The following RBMS3 variants were observed in gnomAD, a reference collection of about 807,000 sequenced individuals.
The protein encoded by RBMS3 is RNA binding motif single stranded interacting protein 3.
RBMS3 carries 27 observed loss-of-function variants against 66.8 expected under a neutral mutation model. The ratio of observed to expected loss-of-function variants is 0.40; its 90% CI spans 0.30 to 0.56. The LOEUF (loss-of-function observed/expected upper bound fraction) is 0.56, where lower values mean the gene tolerates loss of function less well. Among genes scored for constraint, RBMS3 ranks in the 20% least tolerant of loss-of-function variants. The pLI is 0.40. For synonymous variants in RBMS3, 188 were observed against 183.0 expected, an observed-to-expected ratio of 1.03 and a Z score of -0.22; for missense variants, 513 against 549.5, an observed-to-expected ratio of 0.93 and a Z score of 0.66.
intron 1 of RBMS3, among the ~76,000 whole-genome samples, chr3:29,364,439 C>G (rs573012510): frequency 2.6e-5 from 4 of 152,078 alleles, no homozygotes; most frequent in East Asian, 1.9e-4. Flanking sequence ...TATGTCTTAT[C>G]TAGGTATTCT....
At chr3:29,533,330 A>T (rs1249622235) in intron 3 of RBMS3, among the ~76,000 whole-genome samples, 1 of 152,094 alleles carries the variant, frequency 6.6e-6, no homozygotes, top group African/African-American at 2.4e-5. Flanking sequence ...AATAAAAAAA[A>T]AATTAGTGAA....
chr3:29,809,596 T>G (rs1360600717), intron 6 of RBMS3, among the ~76,000 whole-genome samples: 3 of 151,976 alleles, frequency 2.0e-5, no homozygotes, highest in East Asian at 1.9e-4. Context: ...TAAATGTTTG[T>G]TTTTTGTTTG....
intron 1 of RBMS3, among the ~76,000 whole-genome samples, chr3:29,401,205 A>G (rs1460950132): frequency 1.3e-5 from 2 of 152,058 alleles, no homozygotes; most frequent in Admixed American, 1.3e-4. Flanking sequence ...CCTATTAAAA[A>G]GAAAGAGTTT....
chr3:29,989,829 T>C (rs577253385), intron 13 of RBMS3, among the ~76,000 whole-genome samples: 2 of 152,328 alleles, frequency 1.3e-5, no homozygotes, highest in South Asian at 2.1e-4. Context: ...AAAGCACCTA[T>C]GCGATAAGAA....
At chr3:29,994,053 C>T (rs189733408) in intron 14 of RBMS3, among the ~76,000 whole-genome samples, 6 of 151,178 alleles carry the variant, frequency 4.0e-5, no homozygotes, top group East Asian at 2.0e-4. Context: ...CCAGACTGGG[C>T]GCAGGTCAGT....
rs771997586 is a variant in RBMS3 at position 29,739,774 on chromosome 3, G to A, written c.454G>A (p.Asp152Asn). The change falls in exon 5 of 15, where the codon GAT (aspartate) becomes AAT (asparagine). Residue 152 changes from aspartate (D) to asparagine (N), a missense_variant. Transcript: ENST00000383767. ...LYISNLPISM[D>N]EQELENMLKP... is the part of the protein sequence containing the mutation. Reference sequence around the variant, plus strand: ...CATCTCAAATCTCCCCATTTCTATGGATGAGCAGGAGCTTGAGAATATGCT... The same window carrying A: ...CATCTCAAATCTCCCCATTTCTATGAATGAGCAGGAGCTTGAGAATATGCT... 3 of 1,612,966 alleles carry A rather than the reference G, an allele frequency of 1.9e-6. No homozygotes were observed. Among genetic ancestry groups the A allele is most frequent in the Non-Finnish European group, 2.5e-6 (3 of 1,179,394 alleles).
chr3:29,457,041 C>T (rs7647910), intron 2 of RBMS3, among the ~76,000 whole-genome samples: 2 of 151,994 alleles, frequency 1.3e-5, no homozygotes, highest in Non-Finnish European at 2.9e-5. Flanking sequence ...GACAGCACAG[C>T]CATGCTCAGA....
At position 29,281,080 on chromosome 3, in the gene RBMS3, T is replaced by G. The variant is rs1273919727; in HGVS notation, c.-602T>G. 3.5e-5 allele frequency: 5 copies of G among 144,138 alleles called. No homozygotes were observed. The Admixed American group carries it at 3.5e-4, about 10-fold the overall frequency. The allele number at this position is 144,138 out of a possible 1,614,324, so 8.9% of individuals were successfully genotyped here. A position where few individuals can be genotyped will look rare whatever the true frequency, so the allele number is the denominator to read the frequency against. On this transcript the variant is annotated 5_prime_UTR_variant, in exon 1 of 15. Coordinates refer to ENST00000383767, the MANE Select transcript of RBMS3 (RefSeq NM_001003793.3). ...ACAAGCCCCGAACACCATGTCACTCTGGGAGGGAGACAGCAGCAACTAAGC... is the reference window on the plus strand; with the variant it reads ...ACAAGCCCCGAACACCATGTCACTCGGGGAGGGAGACAGCAGCAACTAAGC...
At chr3:29,887,295 G>A (rs543021808) in intron 8 of RBMS3, among the ~76,000 whole-genome samples, 1 of 151,944 alleles carries the variant, frequency 6.6e-6, no homozygotes. Context: ...TAGGCTTTGT[G>A]TCCCCACCCA....
intron 6 of RBMS3, among the ~76,000 whole-genome samples, chr3:29,827,590 C>T (rs2058243411): frequency 6.6e-6 from 1 of 152,108 alleles, no homozygotes; most frequent in African/African-American, 2.4e-5. Flanking sequence ...AGGGCTGAAA[C>T]TCTGAATTCT....
chr3:29,995,522 G>T (rs868167397), intron 14 of RBMS3, among the ~76,000 whole-genome samples: 2 of 151,128 alleles, frequency 1.3e-5, no homozygotes, highest in Non-Finnish European at 3.0e-5. Flanking sequence ...GAGAAAGGTC[G>T]GGTTACCCTC....
At chr3:29,879,515 T>C (rs2059688096) in intron 7 of RBMS3, among the ~76,000 whole-genome samples, 1 of 152,198 alleles carries the variant, frequency 6.6e-6, no homozygotes, top group Non-Finnish European at 1.5e-5. Flanking sequence ...CTTGTGCTAA[T>C]TCAGTATACA....
At chr3:29,595,737 T>A (rs942704117) in intron 4 of RBMS3, among the ~76,000 whole-genome samples, 1 of 152,210 alleles carries the variant, frequency 6.6e-6, no homozygotes, top group African/African-American at 2.4e-5. Flanking sequence ...GTATGACTGC[T>A]GGTGTTACAT....
intron 3 of RBMS3, among the ~76,000 whole-genome samples, chr3:29,553,175 A>G (rs1451730772): frequency 6.6e-6 from 1 of 152,194 alleles, no homozygotes; most frequent in Non-Finnish European, 1.5e-5. Context: ...TGTGTATGTT[A>G]GAAACATTTT....
chr3:29,431,415 C>T (rs2041192965), intron 1 of RBMS3, among the ~76,000 whole-genome samples: 1 of 151,056 alleles, frequency 6.6e-6, no homozygotes, highest in Non-Finnish European at 1.5e-5. Context: ...GCCTCAGCCT[C>T]CTGAGTAGCT....
chr3:29,990,962 C>A, intron 13 of RBMS3, 120 bp from the exon 14 acceptor site: 1 of 883,592 alleles, frequency 1.1e-6, no homozygotes, highest in Admixed American at 2.5e-5. Context: ...CTTATTGTGA[C>A]TTCATGTAGC....
intron 1 of RBMS3, among the ~76,000 whole-genome samples, chr3:29,317,658 A>C (rs894384828): frequency 4.0e-5 from 6 of 151,886 alleles, no homozygotes; most frequent in African/African-American, 1.4e-4. Flanking sequence ...ATGTGAAAGA[A>C]ATTGTGTATT....
At chr3:29,827,542 T>C (rs1489387667) in intron 6 of RBMS3, among the ~76,000 whole-genome samples, 1 of 152,194 alleles carries the variant, frequency 6.6e-6, no homozygotes, top group Non-Finnish European at 1.5e-5. Context: ...ATTAACCAGT[T>C]ATTCATATCT....
chr3:29,857,204 A>G (rs1484574875), intron 6 of RBMS3, among the ~76,000 whole-genome samples: 1 of 152,194 alleles, frequency 6.6e-6, no homozygotes, highest in African/African-American at 2.4e-5. Flanking sequence ...CAGGAAATAT[A>G]TGCTTAGGAA....
Sources: allele counts gnomAD v4.1 joint callset (sites outside exome capture counted in the v4.1 genomes callset), GRCh38; gene constraint gnomAD v4.1.1; transcripts MANE v1.5; gene names NCBI Gene and HGNC (gene_info 2026-07-23, HGNC 2026-07-21).